The following INTS9 variants were observed in gnomAD, a reference collection of about 807,000 sequenced individuals.
INTS9 encodes integrator complex subunit 9.
In INTS9, 55 loss-of-function variants were observed where a neutral mutation model predicts 79.7. That is an observed-to-expected ratio of 0.69 (90% CI 0.56 to 0.86). The LOEUF is 0.86. Ranked by LOEUF, INTS9 falls within the 40% of genes least tolerant of loss-of-function variation. INTS9 has a pLI of 0.00. For missense variants in INTS9, 721 were observed against 831.5 expected, an observed-to-expected ratio of 0.87 and a Z score of 1.64; for synonymous variants, 319 against 325.2, an observed-to-expected ratio of 0.98 and a Z score of 0.20.
rs371334216 is a variant in INTS9 at position 28,780,949 on chromosome 8, C to G, written c.1144G>C (p.Asp382His). 1.9e-6 allele frequency: 3 copies of G among 1,614,016 alleles called. No homozygotes were observed. The African/African-American group carries it at 4.0e-5, about 22-fold the overall frequency. The change falls in exon 12 of 17, where the codon GAC (aspartate) becomes CAC (histidine). Residue 382 changes from aspartate to histidine, a missense_variant. By Grantham distance (81) the Asp-to-His change is moderately conservative (BLOSUM62 -1). Transcript: ENST00000521022. ...GGCTGTCTAAAGTCGTTGCTGAAGT[C>G]TCCGTGGATGCTGGGGTAGTGCTTC... ...KLKHYPSIHG[D>H]FSNDFRQPCV...
chr8:28,876,003 A>G (rs928903300), intron 1 of INTS9, among the ~76,000 whole-genome samples: 1 of 152,228 alleles, frequency 6.6e-6, no homozygotes, highest in African/African-American at 2.4e-5. Flanking sequence ...GCTTCAATCG[A>G]AAACCATTTA....
chr8:28,874,894 G>C (rs1404703481), intron 1 of INTS9, among the ~76,000 whole-genome samples: 1 of 152,148 alleles, frequency 6.6e-6, no homozygotes, highest in Non-Finnish European at 1.5e-5. Flanking sequence ...ACCTGAGATT[G>C]GGCAGTTTAC....
intron 6 of INTS9, among the ~76,000 whole-genome samples, chr8:28,823,062 A>C (rs945750508): frequency 7.9e-5 from 12 of 152,342 alleles, no homozygotes; most frequent in African/African-American, 2.9e-4. Context: ...CATTGGGCCC[A>C]AGACAGCTGA....
chr8:28,835,307 T>C lies in INTS9; in HGVS notation c.473A>G (p.Asn158Ser). Residue 158 changes from asparagine to serine, a missense_variant, in exon 6 of 17, where the codon AAT becomes AGT. Physicochemically the swap from Asn to Ser is conservative, Grantham distance 46. This residue lies in a region of INTS9 where 291 missense variants were observed against 307.0 expected (regional missense o/e 0.95). Transcript: ENST00000521022. ...TGTTCCTCACCTCTGAATGTCCTTA[T>C]TCTTCCACAAGGAGGCAGACTGAGC... Reference protein sequence around the residue: ...PKAQSASLWKNKDIQRLLPSP... With the variant: ...PKAQSASLWKSKDIQRLLPSP... The C allele has an allele frequency of 1.2e-6, 2 of 1,613,516 alleles. No homozygotes were observed. Among genetic ancestry groups the C allele is most frequent in the South Asian group, 2.2e-5 (2 of 91,048 alleles).
intron 6 of INTS9, among the ~76,000 whole-genome samples, chr8:28,833,544 C>T (rs192166245): frequency 0.021 from 3,132 of 151,748 alleles, 48 homozygotes; most frequent in Non-Finnish European, 0.031. Context: ...CGCTTGAACC[C>T]TGGAGGTGGA....
At chr8:28,814,844 G>T (rs9774460) in intron 6 of INTS9, among the ~76,000 whole-genome samples, 29,369 of 151,878 alleles carry the variant, frequency 0.19, 3,161 homozygotes, top group East Asian at 0.47. Context: ...CAGCCTCAAA[G>T]AAAAAAAATT....
At chr8:28,860,884 TTGTTGCTC>T (rs1341762268) in intron 1 of INTS9, among the ~76,000 whole-genome samples, 1 of 152,250 alleles carries the variant, frequency 6.6e-6, no homozygotes, top group Non-Finnish European at 1.5e-5. Context: ...TTCCAGGTAT[TTGTTGCTC>T]TGTTGGTTCT....
intron 6 of INTS9, among the ~76,000 whole-genome samples, chr8:28,834,359 C>G (rs116940382): frequency 0.02 from 3,095 of 152,190 alleles, 46 homozygotes; most frequent in Non-Finnish European, 0.03. Flanking sequence ...CACTGGCCAA[C>G]TTCACACTCT....
intron 11 of INTS9, among the ~76,000 whole-genome samples, chr8:28,786,917 C>T (rs1206748244): frequency 6.6e-6 from 1 of 151,984 alleles, no homozygotes; most frequent in Non-Finnish European, 1.5e-5. Context: ...CGGGGTTTCA[C>T]TGTGTTAGCC....
At chr8:28,822,250 C>T (rs867332560) in intron 6 of INTS9, among the ~76,000 whole-genome samples, 5 of 152,092 alleles carry the variant, frequency 3.3e-5, no homozygotes, top group South Asian at 4.1e-4. Context: ...CTAAGAGGTT[C>T]AGCATCTAAT....
intron 5 of INTS9, among the ~76,000 whole-genome samples, chr8:28,837,062 G>C (rs886246167): frequency 1.3e-5 from 2 of 152,022 alleles, no homozygotes; most frequent in Admixed American, 6.6e-5. Context: ...TGTCACAAAG[G>C]CTTAGTAGAA....
At chr8:28,780,330 AGGGCT>A in intron 12 of INTS9, 2 of 978,826 alleles carry the variant, frequency 2.0e-6, no homozygotes, top group Non-Finnish European at 2.4e-6. Context: ...TAGCATTCAA[AGGGCT>A]GGGCACGCTA....
intron 6 of INTS9, among the ~76,000 whole-genome samples, chr8:28,832,948 G>A (rs985587305): frequency 6.6e-6 from 1 of 151,840 alleles, no homozygotes; most frequent in African/African-American, 2.4e-5. Context: ...GGGAGACAGA[G>A]CGAAACTCCA....
intron 1 of INTS9, 110 bp from the exon 2 acceptor site, chr8:28,859,673 G>A (rs1221395496): frequency 1.6e-6 from 2 of 1,222,886 alleles, no homozygotes; most frequent in South Asian, 2.5e-5. Context: ...AGCGTGTTAA[G>A]TTCAGCTAAC....
At chr8:28,861,786 T>C (rs1808474599) in intron 1 of INTS9, among the ~76,000 whole-genome samples, 1 of 152,268 alleles carries the variant, frequency 6.6e-6, no homozygotes, top group Non-Finnish European at 1.5e-5. Flanking sequence ...AGACTTTACT[T>C]TTGTTACTGT....
At chr8:28,771,959 C>G (rs1427058445) in intron 14 of INTS9, among the ~76,000 whole-genome samples, 7 of 152,124 alleles carry the variant, frequency 4.6e-5, no homozygotes, top group Non-Finnish European at 1.0e-4. Context: ...CTCCTGGGCT[C>G]AAGTGATGTT....
rs1242959041 is a variant in INTS9 at position 28,767,920 on chromosome 8, A to AGAGTT, written c.*221_*225dup. 10 of 528,828 alleles carry AGAGTT rather than the reference A, an allele frequency of 1.9e-5. No individual in the cohort carries two copies. The highest frequency in any genetic ancestry group is 3.4e-5 in the Non-Finnish European group (10 of 294,016). The allele number at this position is 528,828 out of a possible 1,614,324, so 32.8% of individuals were successfully genotyped here. A position where few individuals can be genotyped will look rare whatever the true frequency, so the allele number is the denominator to read the frequency against. On this transcript the variant is annotated 3_prime_UTR_variant, in exon 17 of 17. Coordinates refer to ENST00000521022, the MANE Select transcript of INTS9 (RefSeq NM_018250.4). ...CACCCTCCAGCTCCTTGAGAGAGCC[A>AGAGTT]GAGTTGAGAAGAAAATGAGCCTGAA...
intron 9 of INTS9, among the ~76,000 whole-genome samples, chr8:28,795,468 T>C (rs1482584883): frequency 1.3e-5 from 2 of 151,566 alleles, no homozygotes; most frequent in Non-Finnish European, 2.9e-5. Flanking sequence ...AGTGAAACCT[T>C]GTCTCTACTA....
chr8:28,799,233 T>C (rs574029844), intron 8 of INTS9, among the ~76,000 whole-genome samples: 1 of 151,838 alleles, frequency 6.6e-6, no homozygotes, highest in Non-Finnish European at 1.5e-5. Context: ...GAGGCGGAGG[T>C]TGCAGTGAGC....
Sources: allele counts gnomAD v4.1 joint callset (sites outside exome capture counted in the v4.1 genomes callset), GRCh38; gene constraint gnomAD v4.1.1; regional missense constraint gnomAD v4.1.1; transcripts MANE v1.5; gene names NCBI Gene and HGNC (gene_info 2026-07-23, HGNC 2026-07-21).